GRXCR1: variants seen among roughly 807,000 people sequenced by gnomAD.
The protein encoded by GRXCR1 is glutaredoxin and cysteine rich domain containing 1.
GRXCR1 carries 27 observed loss-of-function variants against 27.3 expected under a neutral mutation model. The ratio of observed to expected loss-of-function variants is 0.99; its 90% CI spans 0.73 to 1.37. The LOEUF (loss-of-function observed/expected upper bound fraction) is 1.37. Ranked by LOEUF, GRXCR1 falls within the 40% of genes most tolerant of loss-of-function variation. The probability of loss-of-function intolerance (pLI) is 0.00; values close to 1 mark genes in which losing one functional copy is unlikely to be tolerated. For missense variants in GRXCR1, 379 were observed against 354.4 expected, an observed-to-expected ratio of 1.07 and a Z score of -0.56; for synonymous variants, 122 against 131.1, an observed-to-expected ratio of 0.93 and a Z score of 0.47.
rs1049815071 is a variant in GRXCR1, at chr4:42,893,068, A to G, written c.-199A>G. Among the ~76,000 whole-genome samples, 11 of 152,146 alleles carry G rather than the reference A, an allele frequency of 7.2e-5. No individual in the cohort carries two copies. Among genetic ancestry groups the G allele is most frequent in the African/African-American group, 2.7e-4 (11 of 41,450 alleles). ...TGCGGGTTTTAGTTTAAAGGTAACC[A>G]TAGCACACACACACACATTTATTAT... On this transcript the variant is annotated 5_prime_UTR_variant, in exon 1 of 4. Coordinates refer to ENST00000399770, the MANE Select transcript of GRXCR1 (RefSeq NM_001080476.3).
intron 1 of GRXCR1, among the ~76,000 whole-genome samples, chr4:42,957,236 C>T (rs1055575884): frequency 6.6e-6 from 1 of 152,002 alleles, no homozygotes; most frequent in Non-Finnish European, 1.5e-5. Flanking sequence ...CTATGCTTTC[C>T]TAATTACTTC....
At chr4:42,975,038 C>T (rs1208212809) in intron 2 of GRXCR1, among the ~76,000 whole-genome samples, 1 of 152,070 alleles carries the variant, frequency 6.6e-6, no homozygotes, top group Non-Finnish European at 1.5e-5. Context: ...TGCCCTGGGT[C>T]CATCCTGTAC....
At chr4:42,948,047 G>A (rs1040688853) in intron 1 of GRXCR1, among the ~76,000 whole-genome samples, 3 of 152,054 alleles carry the variant, frequency 2.0e-5, no homozygotes, top group East Asian at 1.9e-4. Flanking sequence ...AAATCTTGTC[G>A]TTATTTGTTT....
At chr4:42,905,919 C>T (rs898140500) in intron 1 of GRXCR1, among the ~76,000 whole-genome samples, 5 of 152,250 alleles carry the variant, frequency 3.3e-5, no homozygotes, top group Non-Finnish European at 7.4e-5. Context: ...GCCTGCCACA[C>T]CATTATCCAG....
At chr4:42,951,011 G>T (rs573854207) in intron 1 of GRXCR1, among the ~76,000 whole-genome samples, 1 of 152,196 alleles carries the variant, frequency 6.6e-6, no homozygotes, top group South Asian at 2.1e-4. Context: ...AGGCTAAGAA[G>T]CCCTACAACC....
At chr4:42,949,353 T>TG in intron 1 of GRXCR1, among the ~76,000 whole-genome samples, 1 of 23,914 alleles carries the variant, frequency 4.2e-5, no homozygotes, top group Non-Finnish European at 6.7e-5. Context: ...AGACTCCATC[T>TG]CAAAAAAAAA....
intron 1 of GRXCR1, among the ~76,000 whole-genome samples, chr4:42,910,031 G>A (rs1379091763): frequency 3.9e-5 from 6 of 152,144 alleles, no homozygotes; most frequent in African/African-American, 7.2e-5. Flanking sequence ...GTTCCACATG[G>A]CTGGGGAGGC....
intron 2 of GRXCR1, among the ~76,000 whole-genome samples, chr4:42,994,228 G>T (rs150375298): frequency 6.6e-6 from 1 of 152,086 alleles, no homozygotes; most frequent in South Asian, 2.1e-4. Flanking sequence ...ACAAACAGCT[G>T]CAGGGGACAA....
chr4:42,923,460 G>A (rs942971699), intron 1 of GRXCR1, among the ~76,000 whole-genome samples: 1 of 151,950 alleles, frequency 6.6e-6, no homozygotes, highest in African/African-American at 2.4e-5. Context: ...TATTAGAGGA[G>A]GTAACTTTGC....
At position 42,970,241 on chromosome 4, in the gene GRXCR1, A is replaced by G. The variant is rs549206159; in HGVS notation, c.627+7107A>G. 3.3e-5 allele frequency among the ~76,000 whole-genome samples: 5 copies of G among 152,220 alleles called. No individual in the cohort carries two copies. The South Asian group carries it at 8.3e-4, about 25-fold the overall frequency. On this transcript the variant is annotated intron_variant, in intron 2 of 3. Transcript: ENST00000399770. ...CGCAGCTTTTCCAGACACATGGTAC[A>G]AGCTGTCAGTGGATCTATCATTCTG... is the stretch of plus-strand genomic sequence containing the variant.
At chr4:42,916,448 C>A (rs994607701) in intron 1 of GRXCR1, among the ~76,000 whole-genome samples, 1 of 152,098 alleles carries the variant, frequency 6.6e-6, no homozygotes, top group African/African-American at 2.4e-5. Flanking sequence ...GAGATAATAT[C>A]GCCTTAACCT....
intron 1 of GRXCR1, among the ~76,000 whole-genome samples, chr4:42,960,023 C>T (rs976232489): frequency 1.2e-4 from 19 of 152,030 alleles, no homozygotes; most frequent in African/African-American, 4.6e-4. Context: ...TGACATCCAA[C>T]GTGGCTACCC....
At chr4:42,971,752 A>G (rs1748392860) in intron 2 of GRXCR1, among the ~76,000 whole-genome samples, 1 of 152,088 alleles carries the variant, frequency 6.6e-6, no homozygotes, top group Non-Finnish European at 1.5e-5. Flanking sequence ...AGGGCCAACC[A>G]TATCATTATA....
intron 2 of GRXCR1, among the ~76,000 whole-genome samples, chr4:42,994,717 G>A (rs1029850884): frequency 6.6e-6 from 1 of 152,104 alleles, no homozygotes; most frequent in African/African-American, 2.4e-5. Context: ...AGAGAGTGAA[G>A]GAAGACTTTC....
intron 2 of GRXCR1, 39 bp from the exon 3 acceptor site, chr4:43,020,315 C>T: frequency 7.5e-7 from 1 of 1,336,744 alleles, no homozygotes; most frequent in Non-Finnish European, 1.1e-6. Flanking sequence ...CAAATACTAA[C>T]AAAAATGGAT....
chr4:42,941,948 A>G lies in GRXCR1; in HGVS notation c.385-20944A>G, dbSNP rs149152182. ...GGTCAATTTAGGAAACTATCAAGAA[A>G]CATTTTTCCTTATTAATTTGATATA... On this transcript the variant is annotated intron_variant, in intron 1 of 3. Transcript: ENST00000399770. Among the ~76,000 whole-genome samples, 382 of 152,208 alleles carry G rather than the reference A, an allele frequency of 2.5e-3. 3 individuals carry two copies. Among genetic ancestry groups the G allele is most frequent in the African/African-American group, 8.9e-3 (371 of 41,560 alleles).
intron 2 of GRXCR1, among the ~76,000 whole-genome samples, chr4:42,992,012 C>G (rs1319461500): frequency 1.3e-5 from 2 of 152,122 alleles, no homozygotes; most frequent in African/African-American, 2.4e-5. Flanking sequence ...TTTTGCAGCA[C>G]TTTCTTAAAG....
chr4:42,904,214 A>C (rs1260484005), intron 1 of GRXCR1, among the ~76,000 whole-genome samples: 1 of 152,174 alleles, frequency 6.6e-6, no homozygotes, highest in Admixed American at 6.5e-5. Flanking sequence ...CATGTGCTAC[A>C]CTGATGCTGC....
chr4:43,007,520 C>T (rs1712600338), intron 2 of GRXCR1, among the ~76,000 whole-genome samples: 1 of 152,156 alleles, frequency 6.6e-6, no homozygotes, highest in Non-Finnish European at 1.5e-5. Flanking sequence ...AAAGATCATT[C>T]CGGCCTCTGC....
Sources: gnomAD v4.1 joint callset for allele counts (sites outside exome capture counted in the v4.1 genomes callset) on GRCh38, gnomAD v4.1.1 for gene constraint, MANE v1.5 for transcripts, NCBI Gene and HGNC (gene_info 2026-07-23, HGNC 2026-07-21) for gene names.